SLC4A4: variants seen among roughly 807,000 people sequenced by gnomAD.
The protein encoded by SLC4A4 is electrogenic sodium bicarbonate cotransporter 1.
SLC4A4 carries 27 observed loss-of-function variants against 111.5 expected under a neutral mutation model. The observed-to-expected ratio is 0.24, with a 90% confidence interval of 0.18 to 0.33. The LOEUF (loss-of-function observed/expected upper bound fraction) is 0.33. Among genes scored for constraint, SLC4A4 ranks in the 10% least tolerant of loss-of-function variants. The pLI is 1.00. For synonymous variants in SLC4A4, 443 were observed against 463.4 expected, an observed-to-expected ratio of 0.96 and a Z score of 0.57; for missense variants, 909 against 1,315.5, an observed-to-expected ratio of 0.69 and a Z score of 4.78.
chr4:71,356,905 T>C, intron 5 of SLC4A4, 103 bp from the exon 6 acceptor site: 2 of 1,044,954 alleles, frequency 1.9e-6, no homozygotes, highest in Non-Finnish European at 2.9e-6. Context: ...GAAAACAATA[T>C]CTTGCTATTA....
chr4:71,447,545 C>G, intron 8 of SLC4A4, 101 bp from the exon 9 acceptor site: 2 of 775,208 alleles, frequency 2.6e-6, no homozygotes, highest in South Asian at 2.9e-5. Context: ...GAATTCTAGA[C>G]CTAACCTTTT....
intron 17 of SLC4A4, among the ~76,000 whole-genome samples, chr4:71,533,368 C>T (rs915167434): frequency 6.6e-6 from 1 of 152,054 alleles, no homozygotes; most frequent in Non-Finnish European, 1.5e-5. Context: ...AGGTTAGATT[C>T]AGTGACAGAA....
At chr4:71,415,185 A>G (rs955112496) in intron 7 of SLC4A4, among the ~76,000 whole-genome samples, 1 of 152,188 alleles carries the variant, frequency 6.6e-6, no homozygotes, top group Non-Finnish European at 1.5e-5. Context: ...ACTTTACTTT[A>G]TGGATAACAT....
At chr4:71,349,886 G>T (rs371851770) in intron 4 of SLC4A4, 26 bp from the exon 5 acceptor site, 4 of 1,612,612 alleles carry the variant, frequency 2.5e-6, no homozygotes, top group Non-Finnish European at 3.4e-6. Context: ...ACTTTTAATT[G>T]CTCTTCACTA....
intron 20 of SLC4A4, among the ~76,000 whole-genome samples, chr4:71,554,179 T>C (rs1245781572): frequency 6.6e-6 from 1 of 151,928 alleles, no homozygotes; most frequent in Non-Finnish European, 1.5e-5. Context: ...AAAATTACTC[T>C]AAAGCCATAC....
chr4:71,439,120 A>G lies in SLC4A4; in HGVS notation c.808-1496A>G, dbSNP rs74286063. 2.5e-3 allele frequency among the ~76,000 whole-genome samples: 378 copies of G among 152,086 alleles called. 12 individuals carry two copies. The East Asian group carries it at 0.056, about 23-fold the overall frequency. On this transcript the variant is annotated intron_variant, in intron 7 of 25. Transcript: ENST00000264485. ...CAATTATCTTTACTCTCTGGTGTCC[A>G]CTGTAACAGCTCTTGTCAAGATCCC...
At chr4:71,428,935 G>A (rs1030460823) in intron 7 of SLC4A4, among the ~76,000 whole-genome samples, 1 of 152,076 alleles carries the variant, frequency 6.6e-6, no homozygotes, top group Non-Finnish European at 1.5e-5. Context: ...GAGCCTACAG[G>A]ATAACATTCT....
chr4:71,542,012 T>C (rs935317155), intron 18 of SLC4A4, among the ~76,000 whole-genome samples: 5 of 152,104 alleles, frequency 3.3e-5, no homozygotes, highest in African/African-American at 4.8e-5. Flanking sequence ...AAGTGGCTTG[T>C]TTTTATGCAT....
chr4:71,186,395 GA>G (rs537340813), upstream of SLC4A4, among the ~76,000 whole-genome samples: 301 of 152,330 alleles, frequency 2.0e-3, no homozygotes, highest in African/African-American at 7.0e-3. Context: ...TCTGAGCTGG[GA>G]AACTCACGCA....
intron 2 of SLC4A4, among the ~76,000 whole-genome samples, chr4:71,152,783 G>C (rs964350822): frequency 2.0e-5 from 3 of 150,818 alleles, no homozygotes; most frequent in Non-Finnish European, 4.4e-5. Flanking sequence ...CACTTTCTTT[G>C]ATCTTTTTTC....
rs149023937 is a variant in SLC4A4, at chr4:71,313,137, G to A, written c.254-26233G>A. Among the ~76,000 whole-genome samples the A allele has an allele frequency of 2.2e-4, 34 of 152,264 alleles. No homozygotes were observed. The East Asian group carries it at 6.2e-3, about 28-fold the overall frequency. ...CAAGCATTCCCATACACCAAAAATA[G>A]ACAAACAGAGAGTCAAATCATGAGT... On this transcript the variant is annotated intron_variant, in intron 3 of 25. Coordinates refer to ENST00000264485, the MANE Select transcript of SLC4A4 (RefSeq NM_001098484.3).
intron 5 of SLC4A4, among the ~76,000 whole-genome samples, chr4:71,353,886 C>T (rs779772865): frequency 1.3e-5 from 2 of 152,326 alleles, no homozygotes; most frequent in East Asian, 1.9e-4. Context: ...CAGCGCCACA[C>T]CATGTGAGGG....
intron 1 of SLC4A4, among the ~76,000 whole-genome samples, chr4:71,068,884 A>C (rs1204838219): frequency 6.6e-6 from 1 of 152,152 alleles, no homozygotes; most frequent in East Asian, 1.9e-4. Context: ...CATTTTTAGC[A>C]GTGCTTTTTA....
chr4:71,352,866 G>A (rs532882153), intron 5 of SLC4A4, among the ~76,000 whole-genome samples: 1 of 152,308 alleles, frequency 6.6e-6, no homozygotes, highest in Admixed American at 6.5e-5. Context: ...GACAGAGCTG[G>A]AAACAGTTGA....
intron 13 of SLC4A4, among the ~76,000 whole-genome samples, chr4:71,466,975 G>GAGAGAGAC (rs1727419793): frequency 7.4e-6 from 1 of 135,214 alleles, no homozygotes; most frequent in Non-Finnish European, 1.6e-5. Context: ...GGGAGAGAGA[G>GAGAGAGAC]AGAGGTCTGA....
chr4:71,134,354 T>C (rs529039778), intron 2 of SLC4A4, among the ~76,000 whole-genome samples: 1 of 152,354 alleles, frequency 6.6e-6, no homozygotes, highest in East Asian at 1.9e-4. Context: ...TTGCTTATCA[T>C]GCCATCCATC....
chr4:71,140,913 A>G (rs60300621), intron 2 of SLC4A4, among the ~76,000 whole-genome samples: 2,279 of 152,326 alleles, frequency 0.015, 68 homozygotes, highest in African/African-American at 0.052. Flanking sequence ...TTTGTGGGAT[A>G]CAAAGTTATG....
At chr4:71,236,357 C>T in intron 1 of SLC4A4, 1 of 896,526 alleles carries the variant, frequency 1.1e-6, no homozygotes, top group Non-Finnish European at 1.6e-6. Context: ...TGTGGGTGCC[C>T]TCTCAAGGTT....
chr4:71,269,359 G>A (rs1216921850), intron 3 of SLC4A4, among the ~76,000 whole-genome samples: 1 of 152,142 alleles, frequency 6.6e-6, no homozygotes, highest in Non-Finnish European at 1.5e-5. Flanking sequence ...AGCTTTTACC[G>A]TATTTGAAAT....
Sources: allele counts gnomAD v4.1 joint callset (sites outside exome capture counted in the v4.1 genomes callset), GRCh38; gene constraint gnomAD v4.1.1; transcripts MANE v1.5; gene names NCBI Gene and HGNC (gene_info 2026-07-23, HGNC 2026-07-21).